Variants in PPP4R4 observed in about 807,000 individuals in gnomAD.
PPP4R4 encodes protein phosphatase 4 regulatory subunit 4.
In PPP4R4, 70 loss-of-function variants were observed where a neutral mutation model predicts 121.8. That is an observed-to-expected ratio of 0.57 (90% CI 0.47 to 0.70). The LOEUF is 0.70. Ranked by LOEUF, PPP4R4 falls within the 30% of genes least tolerant of loss-of-function variation. The pLI is 0.00. For synonymous variants in PPP4R4, 348 were observed against 355.7 expected (o/e 0.98, Z 0.24); for missense variants, 875 against 1,033.6 (o/e 0.85, Z 2.10).
intron 23 of PPP4R4, among the ~76,000 whole-genome samples, chr14:94,271,529 C>T (rs569838944): frequency 6.6e-6 from 1 of 152,126 alleles, no homozygotes; most frequent in Admixed American, 6.5e-5. Context: ...TAGGGAACAT[C>T]TACAAAAAAC....
chr14:94,227,305 T>G, intron 3 of PPP4R4: 1 of 1,612,146 alleles, frequency 6.2e-7, no homozygotes, highest in Non-Finnish European at 8.5e-7. Flanking sequence ...GATGCACACT[T>G]ATTTATCCAG....
intron 10 of PPP4R4, 108 bp from the exon 11 acceptor site, chr14:94,242,181 A>G: frequency 7.4e-7 from 1 of 1,354,762 alleles, no homozygotes; most frequent in Non-Finnish European, 1.0e-6. Flanking sequence ...TAGTTAAATT[A>G]CAATTCAGAG....
intron 3 of PPP4R4, among the ~76,000 whole-genome samples, chr14:94,221,894 T>A (rs1891419730): frequency 6.6e-6 from 1 of 152,116 alleles, no homozygotes; most frequent in South Asian, 2.1e-4. Flanking sequence ...GTCTTATACA[T>A]GAATGTTCAT....
At chr14:94,179,176 C>A (rs1888838510) in intron 2 of PPP4R4, among the ~76,000 whole-genome samples, 2 of 152,188 alleles carry the variant, frequency 1.3e-5, no homozygotes, top group African/African-American at 4.8e-5. Flanking sequence ...AATTTTAGAA[C>A]ATTTCCATCA....
intron 11 of PPP4R4, 139 bp downstream of exon 11, chr14:94,242,547 T>G (rs2139572760): frequency 1.2e-6 from 1 of 829,546 alleles, no homozygotes. Flanking sequence ...GTTTAAAAAT[T>G]TCCTTAATTT....
intron 3 of PPP4R4, among the ~76,000 whole-genome samples, chr14:94,212,143 A>G (rs1890775170): frequency 1.3e-5 from 2 of 152,178 alleles, no homozygotes; most frequent in Non-Finnish European, 2.9e-5. Flanking sequence ...AGATGAAGTA[A>G]TGGAGATTTT....
intron 2 of PPP4R4, among the ~76,000 whole-genome samples, chr14:94,187,407 C>G (rs1055499701): frequency 6.6e-6 from 1 of 152,090 alleles, no homozygotes; most frequent in Non-Finnish European, 1.5e-5. Context: ...ATATCTTTTT[C>G]TGTCCTTTTA....
At chr14:94,250,131 A>C in intron 14 of PPP4R4, 41 bp from the exon 15 acceptor site, 1 of 1,320,166 alleles carries the variant, frequency 7.6e-7, no homozygotes, top group Admixed American at 1.7e-5. Flanking sequence ...CTAGACTAGA[A>C]TTAGCCTAGT....
chr14:94,196,068 G>A (rs1353190043), intron 2 of PPP4R4, among the ~76,000 whole-genome samples: 2 of 150,404 alleles, frequency 1.3e-5, no homozygotes, highest in Admixed American at 1.3e-4. Context: ...GATGCCCAAA[G>A]GATTTTTCTT....
At position 94,242,281 on chromosome 14, in the gene PPP4R4, T is replaced by G; in HGVS notation, c.1147-8T>G. 6.2e-7 allele frequency: 1 copy of G among 1,611,088 alleles called. No individual in the cohort carries two copies. Among genetic ancestry groups the G allele is most frequent in the Non-Finnish European group, 8.5e-7 (1 of 1,177,678 alleles). On this transcript the variant is annotated splice_region_variant and splice_polypyrimidine_tract_variant and intron_variant, in intron 10 of 24. Coordinates refer to ENST00000304338, the MANE Select transcript of PPP4R4 (RefSeq NM_058237.2). The stretch of plus-strand genomic sequence containing the variant: ...TCCCACTCATCTCCTCCCTTCCACC[T>G]CCACCAGGCCATGATTGTTTTTGTT...
Position 94,246,366 on chromosome 14 carries a change from CT to C in PPP4R4, c.1439del (p.Leu480ArgfsTer4). ...TGCGTTTCATTTTCAGTTATCTTCT[CT>C]GCCTGACTTGATTCCAGCACTCACA... ...SSVQENKLSS[L>X]PDLIPALTAA... is the part of the protein sequence containing the mutation. On this transcript the variant is annotated frameshift_variant, in exon 14 of 25. Coordinates refer to ENST00000304338, the MANE Select transcript of PPP4R4 (RefSeq NM_058237.2). LOFTEE classifies it high-confidence loss of function. 1 of 1,598,696 alleles carries C rather than the reference CT, an allele frequency of 6.3e-7. No individual in the cohort carries two copies. The highest frequency in any genetic ancestry group is 1.1e-5 in the South Asian group (1 of 88,058).
chr14:94,198,564 C>G (rs1361631992), intron 2 of PPP4R4, among the ~76,000 whole-genome samples: 2 of 152,110 alleles, frequency 1.3e-5, no homozygotes, highest in African/African-American at 4.8e-5. Context: ...ATTTTTTATA[C>G]TTTACCTTTT....
At chr14:94,184,833 C>T (rs1223825366) in intron 2 of PPP4R4, among the ~76,000 whole-genome samples, 1 of 152,058 alleles carries the variant, frequency 6.6e-6, no homozygotes, top group Non-Finnish European at 1.5e-5. Flanking sequence ...ATGTAATTTT[C>T]CCTCCAATCA....
intron 2 of PPP4R4, among the ~76,000 whole-genome samples, chr14:94,207,000 G>A (rs1890493511): frequency 6.6e-6 from 1 of 151,920 alleles, no homozygotes; most frequent in African/African-American, 2.4e-5. Context: ...TCAAATTTCT[G>A]CATCTGTGGT....
At chr14:94,236,392 A>T (rs1892355212) in intron 7 of PPP4R4, among the ~76,000 whole-genome samples, 1 of 152,196 alleles carries the variant, frequency 6.6e-6, no homozygotes, top group Admixed American at 6.5e-5. Context: ...AGCAAAATTT[A>T]TATGAAATAA....
At chr14:94,271,600 A>G (rs1036390892) in intron 23 of PPP4R4, among the ~76,000 whole-genome samples, 2 of 152,206 alleles carry the variant, frequency 1.3e-5, no homozygotes, top group African/African-American at 4.8e-5. Context: ...CAGGAACAAG[A>G]CAATGATGTA....
chr14:94,239,027 G>A (rs558585650), intron 8 of PPP4R4, among the ~76,000 whole-genome samples: 37 of 152,062 alleles, frequency 2.4e-4, no homozygotes, highest in African/African-American at 8.7e-4. Context: ...CCTAACCTGT[G>A]TTTGTGGCTT....
At chr14:94,222,652 G>A (rs1387106685) in intron 3 of PPP4R4, among the ~76,000 whole-genome samples, 1 of 146,982 alleles carries the variant, frequency 6.8e-6, no homozygotes, top group Non-Finnish European at 1.5e-5. Flanking sequence ...CTTTGTTTTT[G>A]TCTGTTTGAA....
At chr14:94,232,987 G>T (rs1271545315) in intron 5 of PPP4R4, among the ~76,000 whole-genome samples, 2 of 152,146 alleles carry the variant, frequency 1.3e-5, no homozygotes, top group East Asian at 3.8e-4. Flanking sequence ...GAACCCGGGA[G>T]GTGGAGCTTG....
Sources: gnomAD v4.1 joint callset for allele counts (sites outside exome capture counted in the v4.1 genomes callset) on GRCh38, gnomAD v4.1.1 for gene constraint, MANE v1.5 for transcripts, NCBI Gene and HGNC (gene_info 2026-07-23, HGNC 2026-07-21) for gene names.